The following EML4 variants were observed in gnomAD, a reference collection of about 807,000 sequenced individuals.
EML4 encodes EMAP like 4.
A neutral mutation model predicts 129.0 loss-of-function variants in EML4; 72 were observed. That is an observed-to-expected ratio of 0.56 (90% CI 0.46 to 0.68). The LOEUF is 0.68. Among genes scored for constraint, EML4 ranks in the 30% least tolerant of loss-of-function variants. The pLI, the probability that EML4 is intolerant of heterozygous loss-of-function variation, is 0.00. For missense variants in EML4, 1,363 were observed against 1,190.6 expected (o/e 1.14, Z -2.13); for synonymous variants, 532 against 405.0 (o/e 1.31, Z -3.77).
intron 10 of EML4, 21 bp from the exon 11 acceptor site, chr2:42,288,206 C>T: frequency 1.9e-6 from 2 of 1,067,496 alleles, no homozygotes; most frequent in East Asian, 2.6e-5. Flanking sequence ...TTTAAAATGC[C>T]TCTGATTGAC....
In EML4 at chr2:42,295,263, A is replaced by G; in HGVS notation, c.1353+4A>G. 3 of 1,612,730 alleles carry G rather than the reference A, an allele frequency of 1.9e-6. No individual in the cohort carries two copies. The highest frequency in any genetic ancestry group is 2.5e-6 in the Non-Finnish European group (3 of 1,179,602). On this transcript the variant is annotated splice_donor_region_variant and intron_variant, in intron 12 of 22. Coordinates refer to ENST00000318522, the MANE Select transcript of EML4 (RefSeq NM_019063.5). ...AAGAAAACAGGGAATTTTTGGGGTA[A>G]GAATCAGATTGTTTTAATGTCATTA...
At chr2:42,277,303 T>C (rs1435537297) in intron 6 of EML4, among the ~76,000 whole-genome samples, 1 of 152,068 alleles carries the variant, frequency 6.6e-6, no homozygotes, top group Non-Finnish European at 1.5e-5. Context: ...ACTATACAAA[T>C]AAGGACAAGG....
At chr2:42,228,283 TCTC>T (rs1674107069) in intron 1 of EML4, among the ~76,000 whole-genome samples, 1 of 151,798 alleles carries the variant, frequency 6.6e-6, no homozygotes, top group Admixed American at 6.6e-5. Flanking sequence ...TAGAAAGAAT[TCTC>T]CTCATAGAAA....
chr2:42,264,103 GTTTTT>G lies in EML4; in HGVS notation c.642-581_642-577del, dbSNP rs9309080. On this transcript the variant is annotated intron_variant, in intron 5 of 22. Coordinates refer to ENST00000318522, the MANE Select transcript of EML4 (RefSeq NM_019063.5). ...AAGGCTCCCAACTCAAACAATACGT[GTTTTT>G]TTTTTTTTTTTTTTTTTTTTTGAGA... is the stretch of plus-strand genomic sequence containing the variant. 6.0e-5 allele frequency among the ~76,000 whole-genome samples: 6 copies of G among 100,778 alleles called. 1 individual carries two copies. The South Asian group carries it at 2.0e-3, about 34-fold the overall frequency. The allele number at this position is 100,778 out of a possible 152,430, so 66.1% of individuals were successfully genotyped here.
chr2:42,226,680 A>T (rs1673984088), intron 1 of EML4, among the ~76,000 whole-genome samples: 1 of 139,448 alleles, frequency 7.2e-6, no homozygotes, highest in Non-Finnish European at 1.5e-5. Flanking sequence ...ATAAAATAAA[A>T]TAAATAAAAT....
chr2:42,236,842 T>C (rs1272603545), intron 1 of EML4, among the ~76,000 whole-genome samples: 1 of 152,222 alleles, frequency 6.6e-6, no homozygotes, highest in Admixed American at 6.5e-5. Context: ...ACTTTACGTT[T>C]TTGGCCAGTC....
intron 18 of EML4, 64 bp from the exon 19 acceptor site, chr2:42,317,362 TA>T: frequency 6.5e-6 from 7 of 1,073,610 alleles, no homozygotes; most frequent in Non-Finnish European, 9.7e-6. Flanking sequence ...GTAAAATCAG[TA>T]AAATAACAGT....
At chr2:42,283,244 G>C (rs1305125992) in intron 8 of EML4, among the ~76,000 whole-genome samples, 1 of 152,146 alleles carries the variant, frequency 6.6e-6, no homozygotes, top group Non-Finnish European at 1.5e-5. Context: ...CTCTTCTCTG[G>C]TCTGTAGTGT....
chr2:42,262,819 G>C (rs1422325935), intron 4 of EML4, among the ~76,000 whole-genome samples: 4 of 152,020 alleles, frequency 2.6e-5, no homozygotes, highest in African/African-American at 4.8e-5. Context: ...GAAAATGGCA[G>C]CCTTATAAAA....
In EML4 at chr2:42,263,221, G is replaced by A. The variant is rs745578815; in HGVS notation, c.556G>A (p.Glu186Lys). 3.7e-6 allele frequency: 6 copies of A among 1,612,640 alleles called. No individual in the cohort carries two copies. Among genetic ancestry groups the A allele is most frequent in the Admixed American group, 1.7e-5 (1 of 59,882 alleles). Residue 186 changes from glutamate to lysine, a missense_variant, in exon 5 of 23, where the codon GAA (glutamate) becomes AAA (lysine). By Grantham distance (56) the Glu-to-Lys change is moderately conservative. Coordinates refer to ENST00000318522, the MANE Select transcript of EML4 (RefSeq NM_019063.5). ...AGCTGAAAAGTCACATAATTCTTGG[G>A]AAAATTCAGATGATAGCCGTAATAA... ...SPAEKSHNSW[E>K]NSDDSRNKLS...
At chr2:42,271,013 A>C (rs551957046) in intron 6 of EML4, among the ~76,000 whole-genome samples, 1 of 152,318 alleles carries the variant, frequency 6.6e-6, no homozygotes, top group South Asian at 2.1e-4. Context: ...CTCCCATCTC[A>C]GCCCCCAGAG....
rs75804543 is a variant in EML4, at chr2:42,296,985, A to G, written c.1489+1469A>G. Among the ~76,000 whole-genome samples, 696 of 152,330 alleles carry G rather than the reference A, an allele frequency of 4.6e-3. 20 individuals carry two copies. The highest frequency in any genetic ancestry group is 0.032 in the Admixed American group (483 of 15,296). On this transcript the variant is annotated intron_variant, in intron 13 of 22. Transcript: ENST00000318522. ...ATGTTTTTCAAATCCATTCACCTGAATGTCTAAGCTTGGCAGTTGAATTAG... is the reference window on the plus strand; with the variant it reads ...ATGTTTTTCAAATCCATTCACCTGAGTGTCTAAGCTTGGCAGTTGAATTAG...
At chr2:42,205,505 C>A (rs1046178348) in intron 1 of EML4, among the ~76,000 whole-genome samples, 1 of 151,246 alleles carries the variant, frequency 6.6e-6, no homozygotes, top group African/African-American at 2.4e-5. Flanking sequence ...CAGTCAGCTT[C>A]CCTGGCTTAC....
intron 1 of EML4, among the ~76,000 whole-genome samples, chr2:42,177,035 T>A (rs992586658): frequency 6.6e-6 from 1 of 152,120 alleles, no homozygotes; most frequent in Non-Finnish European, 1.5e-5. Context: ...TCAAGTGATC[T>A]GCCCGCTGAG....
intron 6 of EML4, among the ~76,000 whole-genome samples, chr2:42,266,626 G>A (rs987878904): frequency 6.6e-6 from 1 of 151,398 alleles, no homozygotes; most frequent in African/African-American, 2.4e-5. Flanking sequence ...TTACAGGCGT[G>A]AGCCACCACT....
rs116120249 is a variant in EML4 at position 42,230,898 on chromosome 2, G to A, written c.26-14607G>A. On this transcript the variant is annotated intron_variant, in intron 1 of 22. Transcript: ENST00000318522. Reference sequence around the variant, plus strand: ...TATTTTAGCCCTTCACATCTCTAACGCTGGAGCTCTGCTCCATGTCCTTAC... The same window carrying A: ...TATTTTAGCCCTTCACATCTCTAACACTGGAGCTCTGCTCCATGTCCTTAC... Among the ~76,000 whole-genome samples the A allele has an allele frequency of 6.3e-3, 957 of 152,194 alleles. 14 individuals carry two copies. Among genetic ancestry groups the A allele is most frequent in the African/African-American group, 0.022 (919 of 41,522 alleles).
chr2:42,313,417 A>C (rs1313122522), intron 17 of EML4, among the ~76,000 whole-genome samples: 3 of 152,090 alleles, frequency 2.0e-5, no homozygotes, highest in African/African-American at 7.2e-5. Context: ...ATCTCTTCAA[A>C]TATTTTACAG....
rs895049006 is a variant in EML4 at position 42,272,812 on chromosome 2, C to T, written c.668-8038C>T. Among the ~76,000 whole-genome samples the T allele has an allele frequency of 8.6e-5, 13 of 151,774 alleles. No homozygotes were observed. In the East Asian group the frequency reaches 1.4e-3, roughly 16 times the overall value. Reference sequence around the variant, plus strand: ...TATACTTGATGTCCAGAGAAGGCAGCTGGGGCTTTTTTCTTCGCTGAAAAT... The same window carrying T: ...TATACTTGATGTCCAGAGAAGGCAGTTGGGGCTTTTTTCTTCGCTGAAAAT... On this transcript the variant is annotated intron_variant, in intron 6 of 22. Coordinates refer to ENST00000318522, the MANE Select transcript of EML4 (RefSeq NM_019063.5).
rs1423331829 is a variant in EML4 at position 42,330,131 on chromosome 2, C to T, written c.2870C>T (p.Pro957Leu). The change falls in exon 23 of 23, where the codon CCA becomes CTA. Residue 957 changes from proline to leucine, a missense_variant. Physicochemically the swap from Pro to Leu is moderately conservative, Grantham distance 98. Coordinates refer to ENST00000318522, the MANE Select transcript of EML4 (RefSeq NM_019063.5). ...CTTGGTGAGCCTCTTTATGAAGAGC[C>T]ATGCAACGAGATAAGCAAGGAGCAG... ...GDLGEPLYEE[P>L]CNEISKEQAK... The T allele has an allele frequency of 1.2e-6, 2 of 1,611,920 alleles. No homozygotes were observed. The highest frequency in any genetic ancestry group is 1.7e-6 in the Non-Finnish European group (2 of 1,179,706).
Sources: gnomAD v4.1 joint callset for allele counts (sites outside exome capture counted in the v4.1 genomes callset) on GRCh38, gnomAD v4.1.1 for gene constraint, MANE v1.5 for transcripts, NCBI Gene and HGNC (gene_info 2026-07-23, HGNC 2026-07-21) for gene names.